The following ZNF521 variants were observed in gnomAD, a reference collection of about 807,000 sequenced individuals.
The protein encoded by ZNF521 is LYST-interacting protein 3.
In ZNF521, 14 loss-of-function variants were observed where a neutral mutation model predicts 105.5. That is an observed-to-expected ratio of 0.13 (90% confidence interval 0.09 to 0.21). The LOEUF (loss-of-function observed/expected upper bound fraction) is 0.21. Ranked by LOEUF, ZNF521 falls within the 10% of genes least tolerant of loss-of-function variation. ZNF521 has a pLI of 1.00. For missense variants in ZNF521, 1,233 were observed against 1,629.7 expected (o/e 0.76, Z 4.19); for synonymous variants, 635 against 606.0 (o/e 1.05, Z -0.70).
chr18:25,130,291 C>T (rs985598311), intron 5 of ZNF521, among the ~76,000 whole-genome samples: 23 of 152,184 alleles, frequency 1.5e-4, no homozygotes, highest in Middle Eastern at 3.4e-3. Context: ...AAAGGCAAAA[C>T]TATGGAGACA....
chr18:25,224,180 A>G (rs1905930225), intron 4 of ZNF521, 165 bp downstream of exon 4: 1 of 679,174 alleles, frequency 1.5e-6, no homozygotes, highest in African/African-American at 1.8e-5. Context: ...ATCAAGAAGC[A>G]AGTAATTGCT....
intron 5 of ZNF521, among the ~76,000 whole-genome samples, chr18:25,186,421 C>T (rs768130789): frequency 2.5e-4 from 38 of 152,200 alleles, no homozygotes; most frequent in African/African-American, 8.2e-4. Flanking sequence ...AGAACACCTC[C>T]GAGTATCTAA....
chr18:25,308,334 A>T (rs1276945771), intron 3 of ZNF521, among the ~76,000 whole-genome samples: 1 of 152,082 alleles, frequency 6.6e-6, no homozygotes, highest in Non-Finnish European at 1.5e-5. Flanking sequence ...GCTGCTGCCA[A>T]ACTCCTGACC....
intron 3 of ZNF521, among the ~76,000 whole-genome samples, chr18:25,292,249 C>T (rs956115845): frequency 3.9e-5 from 6 of 152,096 alleles, no homozygotes; most frequent in Non-Finnish European, 5.9e-5. Context: ...ACTCAGATGT[C>T]GGATACTTTA....
At chr18:25,067,068 C>T (rs921723848) in intron 7 of ZNF521, among the ~76,000 whole-genome samples, 1 of 151,914 alleles carries the variant, frequency 6.6e-6, no homozygotes, top group African/African-American at 2.4e-5. Context: ...TTCTGTAATC[C>T]CACAGAGAGC....
At chr18:25,237,187 C>G (rs114564195) in intron 3 of ZNF521, among the ~76,000 whole-genome samples, 1 of 152,064 alleles carries the variant, frequency 6.6e-6, no homozygotes, top group Non-Finnish European at 1.5e-5. Context: ...GGTATGTGTA[C>G]GCTTGCATGC....
chr18:25,338,853 T>C (rs1302353666), intron 2 of ZNF521, among the ~76,000 whole-genome samples: 2 of 152,238 alleles, frequency 1.3e-5, no homozygotes, highest in East Asian at 1.9e-4. Flanking sequence ...GACTAACATA[T>C]ATTTTCCTAA....
intron 5 of ZNF521, among the ~76,000 whole-genome samples, chr18:25,138,418 G>A (rs896380742): frequency 6.6e-6 from 1 of 150,662 alleles, no homozygotes; most frequent in African/African-American, 2.4e-5. Flanking sequence ...TGAGAGAGGT[G>A]GCACACGAGA....
At chr18:25,082,400 T>C (rs1424549222) in intron 7 of ZNF521, among the ~76,000 whole-genome samples, 1 of 152,068 alleles carries the variant, frequency 6.6e-6, no homozygotes, top group African/African-American at 2.4e-5. Flanking sequence ...TCCTCCAAAC[T>C]GATCAGTATA....
At chr18:25,204,298 T>C (rs1326876568) in intron 4 of ZNF521, among the ~76,000 whole-genome samples, 1 of 152,196 alleles carries the variant, frequency 6.6e-6, no homozygotes, top group African/African-American at 2.4e-5. Context: ...AGTTGAGCCA[T>C]TTTTAAAATG....
rs186581888 is a variant in ZNF521 at position 25,273,318 on chromosome 18, G to A, written c.221-45621C>T. On this transcript the variant is annotated intron_variant, in intron 3 of 7. Transcript: ENST00000361524. ...GGTGCCAGAAAATAAATTTTGTTGC[G>A]CAGTCACAATATAAGCAGGCTAGCC... Among the ~76,000 whole-genome samples the A allele has an allele frequency of 1.6e-4, 24 of 147,246 alleles. 1 individual carries two copies. Among genetic ancestry groups the A allele is most frequent in the Middle Eastern group, 7.5e-3 (2 of 266 alleles).
chr18:25,086,314 T>A (rs2033621531), intron 7 of ZNF521, among the ~76,000 whole-genome samples: 1 of 152,086 alleles, frequency 6.6e-6, no homozygotes, highest in African/African-American at 2.4e-5. Flanking sequence ...ATAAAATAAA[T>A]CAATATTTTA....
At chr18:25,187,350 A>G (rs1480846590) in intron 5 of ZNF521, among the ~76,000 whole-genome samples, 2 of 152,164 alleles carry the variant, frequency 1.3e-5, no homozygotes, top group African/African-American at 4.8e-5. Flanking sequence ...CTTAAACGAT[A>G]CAATTTCTCT....
At chr18:25,342,024 G>C (rs1475697833) in intron 2 of ZNF521, among the ~76,000 whole-genome samples, 1 of 152,184 alleles carries the variant, frequency 6.6e-6, no homozygotes, top group Non-Finnish European at 1.5e-5. Context: ...AAATCCTAGA[G>C]TACAGAGGGT....
At chr18:25,095,522 T>C (rs2033833543) in intron 5 of ZNF521, among the ~76,000 whole-genome samples, 2 of 152,214 alleles carry the variant, frequency 1.3e-5, no homozygotes, top group East Asian at 1.9e-4. Flanking sequence ...ACGAAACTTC[T>C]AGATTTTTCT....
At chr18:25,120,589 A>AC (rs755341985) in intron 5 of ZNF521, among the ~76,000 whole-genome samples, 39,615 of 115,872 alleles carry the variant, frequency 0.34, 6,389 homozygotes, top group Admixed American at 0.43. Flanking sequence ...ATCTAAAAAA[A>AC]AAAAAAAAAA....
chr18:25,323,898 T>C (rs1056605468), intron 2 of ZNF521, among the ~76,000 whole-genome samples: 1 of 151,894 alleles, frequency 6.6e-6, no homozygotes, highest in Non-Finnish European at 1.5e-5. Flanking sequence ...TATATCACCA[T>C]GTATCTGACA....
At chr18:25,341,739 A>G (rs993536844) in intron 2 of ZNF521, among the ~76,000 whole-genome samples, 1 of 152,238 alleles carries the variant, frequency 6.6e-6, no homozygotes, top group Non-Finnish European at 1.5e-5. Flanking sequence ...AAAAGTTAAC[A>G]TACCATACAC....
intron 3 of ZNF521, among the ~76,000 whole-genome samples, chr18:25,316,131 A>C (rs1224115828): frequency 6.6e-6 from 1 of 152,040 alleles, no homozygotes; most frequent in African/African-American, 2.4e-5. Flanking sequence ...TTCAAGATTA[A>C]TAGAAGGGAA....
Sources: allele counts gnomAD v4.1 joint callset (sites outside exome capture counted in the v4.1 genomes callset), GRCh38; gene constraint gnomAD v4.1.1; transcripts MANE v1.5; gene names NCBI Gene and HGNC (gene_info 2026-07-23, HGNC 2026-07-21).